Variants in MAEA observed in about 807,000 individuals in gnomAD.
MAEA encodes the protein E3 ubiquitin-protein transferase MAEA.
In MAEA, 22 loss-of-function variants were observed where a neutral mutation model predicts 46.2. The observed-to-expected ratio is 0.48, with a 90% CI of 0.34 to 0.68. MAEA has a LOEUF of 0.68. Among genes scored for constraint, MAEA ranks in the 30% least tolerant of loss-of-function variants. MAEA has a pLI of 0.01. For synonymous variants in MAEA, 246 were observed against 222.6 expected (o/e 1.11, Z -0.94); for missense variants, 393 against 558.1 (o/e 0.70, Z 2.98).
Position 1,303,933 on chromosome 4 carries a change from G to A in MAEA, c.70-8046G>A, listed in dbSNP as rs867662943. Among the ~76,000 whole-genome samples, 491 of 103,592 alleles carry A rather than the reference G, an allele frequency of 4.7e-3. 13 individuals carry two copies. The highest frequency in any genetic ancestry group is 0.03 in the African/African-American group (451 of 15,188). The allele number at this position is 103,592 out of a possible 152,430, so 68.0% of individuals were successfully genotyped here. On this transcript the variant is annotated intron_variant, in intron 1 of 8. Transcript: ENST00000303400. ...GGGGTCGGGCAGGGCAGGGGGGTCC[G>A]GCAGGGCAGGGTGGGGGTCGGGCAG...
intron 1 of MAEA, among the ~76,000 whole-genome samples, chr4:1,293,614 A>C (rs1035423710): frequency 6.6e-6 from 1 of 151,760 alleles, no homozygotes; most frequent in Non-Finnish European, 1.5e-5. Context: ...CTCTCTGTGA[A>C]CCCCACCTGG....
Position 1,312,011 on chromosome 4 carries a change from C to A in MAEA, c.102C>A (p.Arg34=). ...VPYETLNKRF[R]AAQKNIDRET... is the part of the protein sequence containing the mutation. ...ACGAGACGCTGAACAAACGCTTTCG[C>A]GCCGCTCAGAAGAACATTGACCGGG... is the stretch of plus-strand genomic sequence containing the variant. The change falls in exon 2 of 9, where the codon CGC becomes CGA. Residue 34 remains arginine (R), a synonymous_variant. Transcript: ENST00000303400. 1.9e-6 allele frequency: 3 copies of A among 1,613,596 alleles called. No homozygotes were observed. The highest frequency in any genetic ancestry group is 2.5e-6 in the Non-Finnish European group (3 of 1,179,718).
At chr4:1,305,931 G>C (rs1735785858) in intron 1 of MAEA, among the ~76,000 whole-genome samples, 1 of 152,174 alleles carries the variant, frequency 6.6e-6, no homozygotes, top group South Asian at 2.1e-4. Flanking sequence ...AAGCTGTCGG[G>C]CGGGCGGGAG....
At chr4:1,297,395 G>A (rs1457734311) in intron 1 of MAEA, among the ~76,000 whole-genome samples, 4 of 147,422 alleles carry the variant, frequency 2.7e-5, no homozygotes, top group African/African-American at 1.1e-4. Context: ...TTACACTTCA[G>A]CTCATTCCCC....
intron 2 of MAEA, among the ~76,000 whole-genome samples, chr4:1,313,780 C>T (rs572799752): frequency 3.9e-5 from 6 of 152,170 alleles, no homozygotes; most frequent in African/African-American, 1.4e-4. Flanking sequence ...TGATTTAAGG[C>T]TGGACACTGT....
chr4:1,324,703 GATGCC>G lies in MAEA; in HGVS notation c.579+2201_579+2205del, dbSNP rs1560371500. Among the ~76,000 whole-genome samples the G allele has an allele frequency of 1.2e-3, 140 of 113,598 alleles. 1 individual carries two copies. Among genetic ancestry groups the G allele is most frequent in the East Asian group, 3.4e-3 (9 of 2,660 alleles). 74.5% of individuals were successfully genotyped at this position (113,598 alleles called of 152,430 possible). A position where few individuals can be genotyped will look rare whatever the true frequency, so the allele number is the denominator to read the frequency against. ...CTGGTGTTGGATGAAGTTGAGATTG[GATGCC>G]TGGTGGATGAGTGTGTCTGGTGTTG... is the stretch of plus-strand genomic sequence containing the variant. On this transcript the variant is annotated intron_variant, in intron 4 of 8. Coordinates refer to ENST00000303400, the MANE Select transcript of MAEA (RefSeq NM_001017405.3).
chr4:1,298,850 A>G (rs968035316), intron 1 of MAEA, among the ~76,000 whole-genome samples: 11 of 152,128 alleles, frequency 7.2e-5, no homozygotes, highest in South Asian at 4.2e-4. Flanking sequence ...CCCACTTGGC[A>G]AGGCACTTTG....
intron 1 of MAEA, among the ~76,000 whole-genome samples, chr4:1,298,436 T>C (rs544767728): frequency 1.3e-5 from 2 of 152,204 alleles, no homozygotes; most frequent in East Asian, 3.9e-4. Flanking sequence ...ACACGCGCCG[T>C]CTTCTGGTTA....
chr4:1,324,245 C>T lies in MAEA; in HGVS notation c.579+1742C>T, dbSNP rs555431320. On this transcript the variant is annotated intron_variant, in intron 4 of 8. Coordinates refer to ENST00000303400, the MANE Select transcript of MAEA (RefSeq NM_001017405.3). ...TGAGATTGGATGCCTGGTGGATGAG[C>T]GTGTCTGGTGTTGGATGAGTTGAGA... 2.7e-4 allele frequency among the ~76,000 whole-genome samples: 33 copies of T among 124,506 alleles called. No homozygotes were observed. In the East Asian group the frequency reaches 7.3e-3, roughly 27 times the overall value. The allele number at this position is 124,506 out of a possible 152,430, so 81.7% of individuals were successfully genotyped here.
At position 1,318,145 on chromosome 4, in the gene MAEA, G is replaced by T. The variant is rs145776086; in HGVS notation, c.456+2545G>T. Among the ~76,000 whole-genome samples the T allele has an allele frequency of 9.7e-3, 1,478 of 152,190 alleles. 19 individuals are homozygous for T. Among genetic ancestry groups the T allele is most frequent in the Middle Eastern group, 0.02 (6 of 294 alleles). ...AATGCACAGGCCCTCGCTCCGTGCT[G>T]CCCACATGTCCTGGCTGCCTGGGGC... On this transcript the variant is annotated intron_variant, in intron 3 of 8. Coordinates refer to ENST00000303400, the MANE Select transcript of MAEA (RefSeq NM_001017405.3).
rs899730407 is a variant in MAEA at position 1,299,047 on chromosome 4, A to G, written c.69+9065A>G. Among the ~76,000 whole-genome samples the G allele has an allele frequency of 1.4e-3, 210 of 151,990 alleles. 2 individuals carry two copies. Among genetic ancestry groups the G allele is most frequent in the Non-Finnish European group, 4.9e-4 (33 of 67,954 alleles). ...CGGGCGCCTGCTTCCGTGTCTGGCT[A>G]ATTTTTTTATTTGTAGAGATAGGTT... On this transcript the variant is annotated intron_variant, in intron 1 of 8. Coordinates refer to ENST00000303400, the MANE Select transcript of MAEA (RefSeq NM_001017405.3).
rs191226993 is a variant in MAEA at position 1,328,786 on chromosome 4, G to A, written c.656+1083G>A. ...CTGGAGAGGCCCGGGGTCCTGCTCC[G>A]GCTCCTGATGCTGACCTGGGCGCAT... On this transcript the variant is annotated intron_variant, in intron 5 of 8. Coordinates refer to ENST00000303400, the MANE Select transcript of MAEA (RefSeq NM_001017405.3). The A allele has an allele frequency of 4.7e-3, 5,244 of 1,107,788 alleles. 14 individuals are homozygous for A. The highest frequency in any genetic ancestry group is 5.8e-3 in the Admixed American group (141 of 24,472). The allele number at this position is 1,107,788 out of a possible 1,614,324, so 68.6% of individuals were successfully genotyped here. A position where few individuals can be genotyped will look rare whatever the true frequency, so the allele number is the denominator to read the frequency against.
intron 4 of MAEA, among the ~76,000 whole-genome samples, chr4:1,326,192 T>C (rs1473992330): frequency 6.6e-6 from 1 of 152,200 alleles, no homozygotes; most frequent in Non-Finnish European, 1.5e-5. Context: ...GGGAAAGCTC[T>C]GGGAAGCGGA....
intron 8 of MAEA, chr4:1,338,853 CCT>C (rs1446012894): frequency 3.1e-6 from 2 of 647,872 alleles, no homozygotes; most frequent in African/African-American, 3.6e-5. Flanking sequence ...ACAGGGCTGT[CCT>C]CTCGCCCCAC....
At chr4:1,313,204 G>A (rs981421016) in intron 2 of MAEA, among the ~76,000 whole-genome samples, 1 of 152,242 alleles carries the variant, frequency 6.6e-6, no homozygotes, top group Non-Finnish European at 1.5e-5. Context: ...TTCCAGCTCC[G>A]GGCAGAGTCA....
chr4:1,327,603 C>T (rs1356571127), intron 4 of MAEA, 24 bp from the exon 5 acceptor site: 1 of 1,590,962 alleles, frequency 6.3e-7, no homozygotes. Flanking sequence ...GCTGTCTAAG[C>T]CCTCGTCTTG....
chr4:1,339,204 G>A lies in MAEA; in HGVS notation c.*35G>A, dbSNP rs939209239. On this transcript the variant is annotated 3_prime_UTR_variant, in exon 9 of 9. Transcript: ENST00000303400. ...CGTGAAGCGCACGCCTCGGGGACGG[G>A]CTGCAGTGGGCGGGGAGGCCACGCC... 18 of 1,542,968 alleles carry A rather than the reference G, an allele frequency of 1.2e-5. No individual in the cohort carries two copies. Among genetic ancestry groups the A allele is most frequent in the Non-Finnish European group, 1.4e-5 (16 of 1,115,620 alleles).
chr4:1,328,124 T>G (rs1303725549), intron 5 of MAEA, among the ~76,000 whole-genome samples: 1 of 152,236 alleles, frequency 6.6e-6, no homozygotes, highest in Non-Finnish European at 1.5e-5. Context: ...GGAATGTCCC[T>G]CACAGTCATC....
chr4:1,316,601 C>T (rs941839303), intron 3 of MAEA, among the ~76,000 whole-genome samples: 7 of 152,086 alleles, frequency 4.6e-5, no homozygotes, highest in African/African-American at 9.7e-5. Flanking sequence ...CTCCCTGCCA[C>T]GGCTCCTCAG....
Sources: gnomAD v4.1 joint callset for allele counts (sites outside exome capture counted in the v4.1 genomes callset) on GRCh38, gnomAD v4.1.1 for gene constraint, MANE v1.5 for transcripts, NCBI Gene and HGNC (gene_info 2026-07-23, HGNC 2026-07-21) for gene names.